Variants in DIP2A observed in about 807,000 individuals in gnomAD.
DIP2A encodes DIP2 acetate--CoA ligase A.
DIP2A carries 85 observed loss-of-function variants against 177.4 expected under a neutral mutation model. The ratio of observed to expected loss-of-function variants is 0.48; its 90% confidence interval spans 0.40 to 0.57. DIP2A has a LOEUF of 0.57. Ranked by LOEUF, DIP2A falls within the 20% of genes least tolerant of loss-of-function variation. DIP2A has a pLI of 0.00. For synonymous variants in DIP2A, 886 were observed against 881.8 expected, an observed-to-expected ratio of 1.00 and a Z score of -0.08; for missense variants, 1,791 against 2,100.2, an observed-to-expected ratio of 0.85 and a Z score of 2.88.
At chr21:46,477,593 A>C (rs1481629947) in intron 1 of DIP2A, among the ~76,000 whole-genome samples, 1 of 39,998 alleles carries the variant, frequency 2.5e-5, no homozygotes, top group African/African-American at 9.7e-5. Context: ...TTTTTTCTTG[A>C]GTCAGAGTCT....
rs549507833 is a variant in DIP2A at position 46,562,595 on chromosome 21, G to A, written c.4089+790G>A. Among the ~76,000 whole-genome samples, 61 of 152,256 alleles carry A rather than the reference G, an allele frequency of 4.0e-4. 2 individuals are homozygous for A. The South Asian group carries it at 0.011, about 27-fold the overall frequency. On this transcript the variant is annotated intron_variant, in intron 34 of 37. Coordinates refer to ENST00000417564, the MANE Select transcript of DIP2A (RefSeq NM_015151.4). ...TGCAGGGCAGCAGGGGTGAGACTGC[G>A]GACAGAAGGCACAGCTGCTGTGAGG...
At chr21:46,547,884 G>A (rs912230934) in intron 21 of DIP2A, among the ~76,000 whole-genome samples, 2 of 151,896 alleles carry the variant, frequency 1.3e-5, no homozygotes, top group East Asian at 3.9e-4. Context: ...TGCTCAAGCT[G>A]CTCTCGAACT....
intron 32 of DIP2A, 27 bp from the exon 33 acceptor site, chr21:46,560,695 G>A: frequency 1.3e-6 from 2 of 1,596,662 alleles, no homozygotes; most frequent in Non-Finnish European, 1.7e-6. Context: ...CCCCTGAACA[G>A]AAGTTCCTCT....
Position 46,556,370 on chromosome 21 carries a change from C to T in DIP2A, c.3498+279C>T, listed in dbSNP as rs754725598. 9 of 1,403,622 alleles carry T rather than the reference C, an allele frequency of 6.4e-6. No homozygotes were observed. The South Asian group carries it at 9.8e-5, about 15-fold the overall frequency. The allele number at this position is 1,403,622 out of a possible 1,614,324, so 86.9% of individuals were successfully genotyped here. Reference sequence around the variant, plus strand: ...TGGCTTTGAAGAATCTCTTACCTTGCTGGGAGTCAATAGCTCAATTAAAAT... The same window carrying T: ...TGGCTTTGAAGAATCTCTTACCTTGTTGGGAGTCAATAGCTCAATTAAAAT... On this transcript the variant is annotated intron_variant, in intron 29 of 37. Coordinates refer to ENST00000417564, the MANE Select transcript of DIP2A (RefSeq NM_015151.4). This position sits in a 1 kb window ranked among gnomAD's most constrained non-coding sequence, Gnocchi z 4.5.
chr21:46,515,246 T>G (rs7280098), intron 8 of DIP2A, among the ~76,000 whole-genome samples: 152,356 of 152,356 alleles, frequency 1, 76,178 homozygotes, highest in Non-Finnish European at 1. Flanking sequence ...CAAGGGCCTA[T>G]TTTCTGTTAG....
intron 2 of DIP2A, 114 bp downstream of exon 2, chr21:46,484,942 A>G: frequency 1.0e-6 from 1 of 983,792 alleles, no homozygotes; most frequent in East Asian, 2.8e-5. Flanking sequence ...AACTTTAAAC[A>G]CTGGTATATG....
intron 8 of DIP2A, among the ~76,000 whole-genome samples, chr21:46,523,726 T>C (rs371746024): frequency 3.3e-5 from 5 of 150,940 alleles, no homozygotes; most frequent in African/African-American, 1.2e-4. Flanking sequence ...TGCAAAGGCT[T>C]TTAACTGCTC....
chr21:46,573,745 T>TA (rs2060980163), downstream of DIP2A, among the ~76,000 whole-genome samples: 2 of 122,624 alleles, frequency 1.6e-5, no homozygotes, highest in Non-Finnish European at 3.4e-5. Flanking sequence ...ATAGTTTAAA[T>TA]AAAAAATGAT....
At chr21:46,533,074 G>A (rs2059418905) in intron 10 of DIP2A, among the ~76,000 whole-genome samples, 2 of 152,218 alleles carry the variant, frequency 1.3e-5, no homozygotes, top group Non-Finnish European at 2.9e-5. Flanking sequence ...ACAGAATACT[G>A]CTGAGGGACA....
chr21:46,535,450 T>A (rs1174564375), intron 13 of DIP2A, among the ~76,000 whole-genome samples: 1 of 152,152 alleles, frequency 6.6e-6, no homozygotes, highest in Non-Finnish European at 1.5e-5. Flanking sequence ...CCAGGTGCAG[T>A]GGTTCATACC....
chr21:46,534,836 G>GCAC (rs2059497130), intron 13 of DIP2A, 149 bp downstream of exon 13: 1 of 674,628 alleles, frequency 1.5e-6, no homozygotes, highest in Non-Finnish European at 2.5e-6. Flanking sequence ...GTAGGGAGAT[G>GCAC]CACTGTCTTT....
intron 1 of DIP2A, among the ~76,000 whole-genome samples, chr21:46,470,542 G>A (rs2055269890): frequency 6.6e-6 from 1 of 151,992 alleles, no homozygotes; most frequent in Admixed American, 6.6e-5. Context: ...GGAGGCCGAG[G>A]TGGGCGGATC....
chr21:46,536,830 G>T (rs1205586179), intron 13 of DIP2A, among the ~76,000 whole-genome samples: 1 of 151,962 alleles, frequency 6.6e-6, no homozygotes, highest in African/African-American at 2.4e-5. Flanking sequence ...CTTGAACCTG[G>T]GAGGCGGAGG....
At chr21:46,572,657 C>A (rs935944826), downstream of DIP2A, among the ~76,000 whole-genome samples, 3 of 152,144 alleles carry the variant, frequency 2.0e-5, no homozygotes, top group African/African-American at 7.2e-5. Context: ...GAGTCCCTAC[C>A]AGCAAGAAGA....
chr21:46,464,188 G>A (rs1239949887), intron 1 of DIP2A, among the ~76,000 whole-genome samples: 2 of 151,604 alleles, frequency 1.3e-5, no homozygotes. Flanking sequence ...GAGGTTAGGA[G>A]TTCCAGACCA....
rs189074363 is a variant in DIP2A at position 46,563,701 on chromosome 21, A to C, written c.4090-157A>C. Reference sequence around the variant, plus strand: ...ACATCTCTTATTTCTTTCAAAATTCAAAGTCAAATTTGGAGCGGCCTCTAA... The same window carrying C: ...ACATCTCTTATTTCTTTCAAAATTCCAAGTCAAATTTGGAGCGGCCTCTAA... On this transcript the variant is annotated intron_variant, in intron 34 of 37. Transcript: ENST00000417564. The surrounding 1 kb of genome is among the most constrained non-coding windows in gnomAD (Gnocchi z 4.3). The C allele has an allele frequency of 3.7e-6, 5 of 1,334,262 alleles. No homozygotes were observed. In the East Asian group the frequency reaches 1.0e-4, roughly 28 times the overall value. The allele number at this position is 1,334,262 out of a possible 1,614,324, so 82.7% of individuals were successfully genotyped here.
At chr21:46,524,595 A>G (rs1413329352) in intron 8 of DIP2A, among the ~76,000 whole-genome samples, 2 of 152,232 alleles carry the variant, frequency 1.3e-5, no homozygotes, top group African/African-American at 4.8e-5. Flanking sequence ...TGTGCAAGAA[A>G]GAATTCAGGG....
intron 8 of DIP2A, among the ~76,000 whole-genome samples, chr21:46,515,535 G>A (rs1189120665): frequency 6.6e-6 from 1 of 151,426 alleles, no homozygotes; most frequent in Non-Finnish European, 1.5e-5. Context: ...CTACCATTGT[G>A]TGTATTTATT....
In DIP2A at chr21:46,563,521, C is replaced by A; in HGVS notation, c.4090-337C>A. 3.7e-6 allele frequency: 1 copy of A among 272,392 alleles called. No individual in the cohort carries two copies. The highest frequency in any genetic ancestry group is 7.2e-6 in the Non-Finnish European group (1 of 138,760). The allele number at this position is 272,392 out of a possible 1,614,324, so 16.9% of individuals were successfully genotyped here. Reference sequence around the variant, plus strand: ...CATGTGCCTCCTGCAGGGCTGGGCACAGCAGGGTCACTGCACCCCTGGATG... The same window carrying A: ...CATGTGCCTCCTGCAGGGCTGGGCAAAGCAGGGTCACTGCACCCCTGGATG... On this transcript the variant is annotated intron_variant, in intron 34 of 37. Coordinates refer to ENST00000417564, the MANE Select transcript of DIP2A (RefSeq NM_015151.4). This position sits in a 1 kb window ranked among gnomAD's most constrained non-coding sequence, Gnocchi z 4.3.
Sources: allele counts gnomAD v4.1 joint callset (sites outside exome capture counted in the v4.1 genomes callset), GRCh38; gene constraint gnomAD v4.1.1; non-coding constraint Gnocchi (gnomAD v3.1); transcripts MANE v1.5; gene names NCBI Gene and HGNC (gene_info 2026-07-23, HGNC 2026-07-21).